Variants in DHRS3 observed in about 807,000 individuals in gnomAD.
DHRS3 encodes the protein short-chain dehydrogenase/reductase 3.
Under a neutral mutation model 27.2 loss-of-function variants are expected in DHRS3, and 14 were observed. The ratio of observed to expected loss-of-function variants is 0.52; its 90% CI spans 0.34 to 0.81. The LOEUF (loss-of-function observed/expected upper bound fraction) is 0.81. DHRS3 is among the 30% of genes least tolerant of loss of function. The pLI is 0.01. For synonymous variants in DHRS3, 165 were observed against 175.9 expected (o/e 0.94, Z 0.49); for missense variants, 322 against 406.2 (o/e 0.79, Z 1.78).
intron 1 of DHRS3, among the ~76,000 whole-genome samples, chr1:12,599,897 G>C (rs995327258): frequency 6.6e-6 from 1 of 152,232 alleles, no homozygotes; most frequent in Non-Finnish European, 1.5e-5. Context: ...TGGGAACAGT[G>C]ACTGTGTCAT....
At chr1:12,582,305 C>G (rs1350740630) in intron 1 of DHRS3, among the ~76,000 whole-genome samples, 1 of 152,118 alleles carries the variant, frequency 6.6e-6, no homozygotes, top group Non-Finnish European at 1.5e-5. Context: ...CCAATGGAAT[C>G]GATTTTTTAA....
At chr1:12,570,365 A>T (rs1431821998) in intron 5 of DHRS3, among the ~76,000 whole-genome samples, 6 of 152,172 alleles carry the variant, frequency 3.9e-5, no homozygotes, top group Admixed American at 6.5e-5. Flanking sequence ...AGGCCCTCAC[A>T]TGGGCCCGGC....
chr1:12,610,081 T>C (rs1298331194), intron 1 of DHRS3, among the ~76,000 whole-genome samples: 1 of 152,094 alleles, frequency 6.6e-6, no homozygotes, highest in Non-Finnish European at 1.5e-5. Flanking sequence ...CTGTTTTATT[T>C]ATTTATTTAT....
intron 1 of DHRS3, among the ~76,000 whole-genome samples, chr1:12,581,839 C>T (rs1165235390): frequency 6.6e-6 from 1 of 152,198 alleles, no homozygotes; most frequent in Non-Finnish European, 1.5e-5. Context: ...AGGTCAGAAG[C>T]AGAGACAGGA....
chr1:12,606,345 A>G (rs1045182219), intron 1 of DHRS3, among the ~76,000 whole-genome samples: 8 of 150,530 alleles, frequency 5.3e-5, no homozygotes, highest in Non-Finnish European at 8.9e-5. Flanking sequence ...TACCATAGAC[A>G]TCTCCATTGG....
chr1:12,609,595 C>T (rs561273534), intron 1 of DHRS3, among the ~76,000 whole-genome samples: 2 of 152,300 alleles, frequency 1.3e-5, no homozygotes, highest in African/African-American at 2.4e-5. Context: ...AAGAAGGTGG[C>T]GAAGCAAGTC....
At chr1:12,569,069 T>C (rs897871752) in intron 5 of DHRS3, among the ~76,000 whole-genome samples, 1 of 151,854 alleles carries the variant, frequency 6.6e-6, no homozygotes, top group African/African-American at 2.4e-5. Context: ...AATACAAAAA[T>C]TAGCTGGGCG....
Position 12,617,824 on chromosome 1 carries a change from C to A in DHRS3, c.-476G>T, listed in dbSNP as rs2100736231. The A allele has an allele frequency of 7.8e-5, 6 of 76,976 alleles. No individual in the cohort carries two copies. The highest frequency in any genetic ancestry group is 8.2e-4 in the East Asian group (2 of 2,436). The allele number at this position is 76,976 out of a possible 1,614,324, so 4.8% of individuals were successfully genotyped here. On this transcript the variant is annotated 5_prime_UTR_variant, in exon 1 of 6. Coordinates refer to ENST00000616661, the MANE Select transcript of DHRS3 (RefSeq NM_004753.7). Reference sequence around the variant, plus strand: ...AAAAAAAAAAAAAAAAAGCTGATTCCAAATTGTAGCGCCCCCACCCCCACC... The same window carrying A: ...AAAAAAAAAAAAAAAAAGCTGATTCAAAATTGTAGCGCCCCCACCCCCACC...
rs1646607038 is a variant in DHRS3, at chr1:12,578,156, T to C, written c.698+562A>G. ...ACGCTGTGGAGGTGCATCTCCCTCA[T>C]TTGACCTTTAGACACATCCCGCTGC... is the stretch of plus-strand genomic sequence containing the variant. On this transcript the variant is annotated intron_variant, in intron 4 of 5. Coordinates refer to ENST00000616661, the MANE Select transcript of DHRS3 (RefSeq NM_004753.7). This position sits in a 1 kb window ranked among gnomAD's most constrained non-coding sequence, Gnocchi z 4.5. 6.6e-6 allele frequency among the ~76,000 whole-genome samples: 1 copy of C among 152,172 alleles called. No homozygotes were observed. Among genetic ancestry groups the C allele is most frequent in the Admixed American group, 6.5e-5 (1 of 15,284 alleles).
At chr1:12,612,313 T>A (rs1646915993) in intron 1 of DHRS3, among the ~76,000 whole-genome samples, 1 of 152,104 alleles carries the variant, frequency 6.6e-6, no homozygotes, top group Non-Finnish European at 1.5e-5. Context: ...TCTCTTCTCT[T>A]TCTCTTTTTT....
chr1:12,569,700 G>C (rs546871362), intron 5 of DHRS3, among the ~76,000 whole-genome samples: 1 of 152,272 alleles, frequency 6.6e-6, no homozygotes, highest in South Asian at 2.1e-4. Context: ...TGAGAAGCTG[G>C]AATTACAGGC....
intron 1 of DHRS3, among the ~76,000 whole-genome samples, chr1:12,611,854 G>C (rs914871572): frequency 6.6e-5 from 10 of 151,802 alleles, no homozygotes; most frequent in Non-Finnish European, 7.4e-5. Flanking sequence ...CACTTTGGAA[G>C]GTCAAGAAGG....
rs1191161927 is a variant in DHRS3 at position 12,591,791 on chromosome 1, T to A, written c.196-11125A>T. ...ACTGACTTTACCTGCGGGAGCAAAA[T>A]GACCCCACGAAACAACATATTCATT... On this transcript the variant is annotated intron_variant, in intron 1 of 5. Transcript: ENST00000616661. The surrounding 1 kb of genome is among the most constrained non-coding windows in gnomAD (Gnocchi z 4.1). 6.6e-6 allele frequency among the ~76,000 whole-genome samples: 1 copy of A among 152,200 alleles called. No individual in the cohort carries two copies. Among genetic ancestry groups the A allele is most frequent in the Non-Finnish European group, 1.5e-5 (1 of 68,044 alleles).
At chr1:12,600,601 C>T (rs371833584) in intron 1 of DHRS3, among the ~76,000 whole-genome samples, 2 of 152,194 alleles carry the variant, frequency 1.3e-5, no homozygotes, top group African/African-American at 4.8e-5. Context: ...GACCTGCTAC[C>T]AGGCCTGTGA....
intron 1 of DHRS3, among the ~76,000 whole-genome samples, chr1:12,599,827 G>A (rs984206397): frequency 1.3e-5 from 2 of 152,194 alleles, no homozygotes; most frequent in Non-Finnish European, 2.9e-5. Context: ...GGCTACCTGG[G>A]CTGTGTGACC....
intron 5 of DHRS3, among the ~76,000 whole-genome samples, chr1:12,570,962 C>T (rs1646531039): frequency 6.6e-6 from 1 of 152,248 alleles, no homozygotes; most frequent in African/African-American, 2.4e-5. Context: ...GGCAGCCCCT[C>T]AGCTGGGGCT....
At chr1:12,571,294 A>T (rs1386863990) in intron 5 of DHRS3, among the ~76,000 whole-genome samples, 1 of 152,156 alleles carries the variant, frequency 6.6e-6, no homozygotes, top group African/African-American at 2.4e-5. Flanking sequence ...GGAGTCTCTC[A>T]TTTATAAAGC....
At chr1:12,589,840 C>CATT (rs150189606) in intron 1 of DHRS3, among the ~76,000 whole-genome samples, 35,002 of 149,156 alleles carry the variant, frequency 0.23, 6,151 homozygotes, top group African/African-American at 0.51. Context: ...AGCTAGCTGT[C>CATT]ATTATTATTA....
At chr1:12,597,921 C>A (rs1339770519) in intron 1 of DHRS3, among the ~76,000 whole-genome samples, 1 of 152,114 alleles carries the variant, frequency 6.6e-6, no homozygotes, top group Admixed American at 6.5e-5. Flanking sequence ...ACCCAGGAAG[C>A]CAGCCCCAGC....
Sources: gnomAD v4.1 joint callset for allele counts (sites outside exome capture counted in the v4.1 genomes callset) on GRCh38, gnomAD v4.1.1 for gene constraint, Gnocchi (gnomAD v3.1) non-coding constraint, MANE v1.5 for transcripts, NCBI Gene and HGNC (gene_info 2026-07-23, HGNC 2026-07-21) for gene names.